The following CIMIP2A variants were observed in gnomAD, a reference collection of about 807,000 sequenced individuals.
CIMIP2A encodes ciliary microtubule inner protein 2A, also known as family with sequence similarity 166 member A.
the CIMIP2A span, chr9:137,253,029 G>C: frequency 2.0e-6 from 3 of 1,502,652 alleles, no homozygotes; most frequent in Middle Eastern, 1.8e-4. Flanking sequence ...GAGGACAAGG[G>C]TTCAGGGGCC....
chr9:137,251,328 T>C, the CIMIP2A span: 1 of 1,613,662 alleles, frequency 6.2e-7, no homozygotes, highest in Non-Finnish European at 8.5e-7. Context: ...TCCTGGCAAA[T>C]TTTTACATCA....
At chr9:137,245,814 C>G in the CIMIP2A span, 1 of 1,512,396 alleles carries the variant, frequency 6.6e-7, no homozygotes, top group East Asian at 2.3e-5. Flanking sequence ...CATAGGTGTT[C>G]CCCACCTGGT....
At chr9:137,244,949 G>C in the CIMIP2A span, 1 of 1,602,578 alleles carries the variant, frequency 6.2e-7, no homozygotes, top group Non-Finnish European at 8.5e-7. Context: ...CTGGGAGGCA[G>C]AGGAGGTCCC....
At chr9:137,248,555 A>G in the CIMIP2A span, among the ~76,000 whole-genome samples, 1 of 151,630 alleles carries the variant, frequency 6.6e-6, no homozygotes, top group Admixed American at 6.6e-5. Flanking sequence ...AAAAAAAAAA[A>G]AAAAAAGAAA....
At chr9:137,243,949 C>G in the CIMIP2A span, among the ~76,000 whole-genome samples, 20 of 152,214 alleles carry the variant, frequency 1.3e-4, no homozygotes, top group Admixed American at 1.1e-3. Flanking sequence ...TTCCAGGTAC[C>G]CAACCTTGGG....
the CIMIP2A span, among the ~76,000 whole-genome samples, chr9:137,249,136 G>A: frequency 4.6e-5 from 7 of 152,204 alleles, no homozygotes; most frequent in East Asian, 1.9e-4. Context: ...GATTACAGGC[G>A]TGAGCCACTG....
At chr9:137,253,429 G>A in the CIMIP2A span, 1 of 1,443,760 alleles carries the variant, frequency 6.9e-7, no homozygotes, top group East Asian at 2.5e-5. Flanking sequence ...GGCCCAGCCT[G>A]GATCCCCCAT....
chr9:137,252,702 C>A, the CIMIP2A span: 4 of 1,552,042 alleles, frequency 2.6e-6, no homozygotes, highest in Non-Finnish European at 3.5e-6. Flanking sequence ...AGCCGGCCCG[C>A]CTTCCCCGCC....
the CIMIP2A span, among the ~76,000 whole-genome samples, chr9:137,249,893 G>A: frequency 6.9e-4 from 105 of 152,244 alleles, 1 homozygote; most frequent in East Asian, 0.02. Context: ...ACCCAAAGAC[G>A]GTGTCACAGG....
the CIMIP2A span, chr9:137,244,499 G>C: frequency 6.0e-6 from 9 of 1,498,592 alleles, no homozygotes; most frequent in Non-Finnish European, 8.0e-6. Flanking sequence ...CGGCACCTCC[G>C]GGGACAGGAG....
the CIMIP2A span, chr9:137,245,475 C>G: frequency 1.2e-6 from 2 of 1,613,860 alleles, no homozygotes; most frequent in Non-Finnish European, 1.7e-6. Flanking sequence ...TGGGTATGTT[C>G]TCTACCCCTG....
chr9:137,254,146 C>G, the CIMIP2A span, among the ~76,000 whole-genome samples: 545 of 152,390 alleles, frequency 3.6e-3, 3 homozygotes, highest in African/African-American at 0.013. Flanking sequence ...GGACCCAGAC[C>G]AGGCCCAGAG....
the CIMIP2A span, chr9:137,244,412 C>T: frequency 1.0e-5 from 16 of 1,557,360 alleles, no homozygotes; most frequent in East Asian, 9.1e-5. Context: ...TGCTCCCAGC[C>T]TTCTGCATCC....
At chr9:137,248,556 A>G in the CIMIP2A span, among the ~76,000 whole-genome samples, 1 of 151,408 alleles carries the variant, frequency 6.6e-6, no homozygotes, top group African/African-American at 2.4e-5. Flanking sequence ...AAAAAAAAAA[A>G]AAAAAGAAAG....
the CIMIP2A span, among the ~76,000 whole-genome samples, chr9:137,248,708 A>G: frequency 3.3e-5 from 5 of 152,150 alleles, no homozygotes; most frequent in Non-Finnish European, 7.4e-5. Context: ...CTCTACAAAA[A>G]AGAAAGAAAA....
the CIMIP2A span, chr9:137,252,874 C>T: frequency 1.3e-6 from 2 of 1,589,798 alleles, no homozygotes; most frequent in Admixed American, 1.8e-5. Context: ...CCAACACCTA[C>T]AATATCCTTC....
At chr9:137,253,145 T>C in the CIMIP2A span, 1 of 1,592,770 alleles carries the variant, frequency 6.3e-7, no homozygotes, top group South Asian at 1.1e-5. Context: ...GCCTACCACG[T>C]GGAGGACTGC....
At chr9:137,243,625 G>C in the CIMIP2A span, 1 of 1,613,502 alleles carries the variant, frequency 6.2e-7, no homozygotes, top group Non-Finnish European at 8.5e-7. Flanking sequence ...CTGTCCTGTG[G>C]CCTGTCCCAC....
At chr9:137,244,978 T>C in the CIMIP2A span, 6 of 1,606,600 alleles carry the variant, frequency 3.7e-6, no homozygotes, top group Non-Finnish European at 5.1e-6. Flanking sequence ...GCTAGCCTGT[T>C]CTGGAGCAGG....
Sources: allele counts gnomAD v4.1 joint callset (sites outside exome capture counted in the v4.1 genomes callset), GRCh38; gene constraint gnomAD v4.1.1; transcripts MANE v1.5; gene names NCBI Gene and HGNC (gene_info 2026-07-23, HGNC 2026-07-21).